B3GALT1: variants seen among roughly 807,000 people sequenced by gnomAD.
B3GALT1 encodes the protein beta-1,3-galactosyltransferase 1.
B3GALT1 carries 10 observed loss-of-function variants against 23.2 expected under a neutral mutation model. The ratio of observed to expected loss-of-function variants is 0.43; its 90% CI spans 0.27 to 0.73. B3GALT1 has a LOEUF of 0.73. Among genes scored for constraint, B3GALT1 ranks in the 30% least tolerant of loss-of-function variants. The pLI is 0.21. For missense variants in B3GALT1, 299 were observed against 405.4 expected (o/e 0.74, Z 2.25); for synonymous variants, 156 against 141.5 (o/e 1.10, Z -0.73).
intron 3 of B3GALT1, among the ~76,000 whole-genome samples, chr2:167,678,615 G>A (rs1016734072): frequency 2.0e-5 from 3 of 151,846 alleles, no homozygotes; most frequent in Non-Finnish European, 2.9e-5. Context: ...CTCAGTCCAC[G>A]GATAAACTTT....
intron 3 of B3GALT1, among the ~76,000 whole-genome samples, chr2:167,758,924 A>C (rs1410425711): frequency 6.6e-6 from 1 of 152,122 alleles, no homozygotes; most frequent in Non-Finnish European, 1.5e-5. Context: ...TATGGAAAGA[A>C]GCTTTCGTGA....
chr2:167,478,112 G>C (rs1334925332), intron 1 of B3GALT1, among the ~76,000 whole-genome samples: 1 of 152,166 alleles, frequency 6.6e-6, no homozygotes, highest in Admixed American at 6.5e-5. Context: ...CCATTATAAA[G>C]AATTTCTTTA....
intron 2 of B3GALT1, among the ~76,000 whole-genome samples, chr2:167,501,614 A>G (rs1699849308): frequency 6.6e-6 from 1 of 151,202 alleles, no homozygotes; most frequent in Non-Finnish European, 1.5e-5. Flanking sequence ...TTAGACTTCT[A>G]GTTGTAATGT....
intron 3 of B3GALT1, among the ~76,000 whole-genome samples, chr2:167,809,653 T>G (rs1688835274): frequency 6.6e-6 from 1 of 152,158 alleles, no homozygotes; most frequent in Non-Finnish European, 1.5e-5. Flanking sequence ...AAGTTTTGTC[T>G]CAGAGGAGTA....
At position 167,521,987 on chromosome 2, in the gene B3GALT1, T is replaced by TATATATATATATATATATATACACAC. The variant is rs1323364702; in HGVS notation, c.-410+31729_-410+31730insTACACACATATATATATATATATATA. On this transcript the variant is annotated intron_variant, in intron 2 of 4. Coordinates refer to ENST00000392690, the MANE Select transcript of B3GALT1 (RefSeq NM_020981.4). ...ACATATATGTGTGTGTGTGTGTGTA[T>TATATATATATATATATATATACACAC]ATATATATATATATATATACACATA... is the stretch of plus-strand genomic sequence containing the variant. Among the ~76,000 whole-genome samples the TATATATATATATATATATATACACAC allele has an allele frequency of 1.1e-4, 12 of 114,130 alleles. No individual in the cohort carries two copies. The East Asian group carries it at 2.2e-3, about 21-fold the overall frequency. The allele number at this position is 114,130 out of a possible 152,430, so 74.9% of individuals were successfully genotyped here.
chr2:167,552,614 A>G (rs1392266878), intron 2 of B3GALT1, among the ~76,000 whole-genome samples: 1 of 152,024 alleles, frequency 6.6e-6, no homozygotes, highest in Non-Finnish European at 1.5e-5. Flanking sequence ...CTTTTTTCTT[A>G]CTGGGACCAA....
chr2:167,534,105 T>C (rs1407777559), intron 2 of B3GALT1, among the ~76,000 whole-genome samples: 1 of 152,190 alleles, frequency 6.6e-6, no homozygotes, highest in Non-Finnish European at 1.5e-5. Flanking sequence ...AAAATATATA[T>C]GGTGTATTTC....
chr2:167,376,300 G>T (rs1275549391), intron 1 of B3GALT1, among the ~76,000 whole-genome samples: 1 of 151,998 alleles, frequency 6.6e-6, no homozygotes, highest in South Asian at 2.1e-4. Context: ...CTGGCTTGTG[G>T]TTTTCTCTTT....
Position 167,467,380 on chromosome 2 carries a change from TATA to T in B3GALT1, c.-510-22787_-510-22785del, listed in dbSNP as rs945444091. ...AATAGATTTTTGGCAACCATGTTGT[TATA>T]ATAATAATAGAGCAAACAGTAAAAA... On this transcript the variant is annotated intron_variant, in intron 1 of 4. Transcript: ENST00000392690. Among the ~76,000 whole-genome samples the T allele has an allele frequency of 2.8e-4, 43 of 152,296 alleles. No homozygotes were observed. The East Asian group carries it at 7.9e-3, about 28-fold the overall frequency.
At chr2:167,383,678 A>G (rs1697878715) in intron 1 of B3GALT1, among the ~76,000 whole-genome samples, 1 of 152,214 alleles carries the variant, frequency 6.6e-6, no homozygotes. Context: ...TGAATGCTCA[A>G]TAATTTTTTA....
At chr2:167,514,814 G>A (rs893635426) in intron 2 of B3GALT1, among the ~76,000 whole-genome samples, 1 of 152,206 alleles carries the variant, frequency 6.6e-6, no homozygotes, top group East Asian at 1.9e-4. Context: ...ATAATAATTA[G>A]GTTGTTATGA....
chr2:167,632,795 G>A (rs1685473969), intron 2 of B3GALT1, among the ~76,000 whole-genome samples: 1 of 151,974 alleles, frequency 6.6e-6, no homozygotes. Flanking sequence ...AAGCTCTCTA[G>A]TTTAATTAGA....
At chr2:167,486,377 G>GA (rs1699627687) in intron 1 of B3GALT1, among the ~76,000 whole-genome samples, 2 of 144,146 alleles carry the variant, frequency 1.4e-5, no homozygotes, top group Non-Finnish European at 3.0e-5. Flanking sequence ...AAAAAGAAAA[G>GA]AAAAGAAAAG....
intron 3 of B3GALT1, among the ~76,000 whole-genome samples, chr2:167,731,040 G>C (rs977009029): frequency 2.0e-5 from 3 of 152,112 alleles, no homozygotes; most frequent in African/African-American, 2.4e-5. Context: ...CTAGTAAGTG[G>C]TGCAGTAGGG....
chr2:167,746,696 A>G (rs1393000492), intron 3 of B3GALT1, among the ~76,000 whole-genome samples: 1 of 152,228 alleles, frequency 6.6e-6, no homozygotes, highest in East Asian at 1.9e-4. Flanking sequence ...TGTAAAAATT[A>G]GTATTCCATG....
At chr2:167,430,296 A>G (rs138392159) in intron 1 of B3GALT1, among the ~76,000 whole-genome samples, 1 of 152,324 alleles carries the variant, frequency 6.6e-6, no homozygotes, top group East Asian at 1.9e-4. Context: ...GAGGAGAGTG[A>G]TAGATGAAGT....
chr2:167,306,808 A>G (rs1337216893), intron 1 of B3GALT1, among the ~76,000 whole-genome samples: 1 of 151,986 alleles, frequency 6.6e-6, no homozygotes, highest in Non-Finnish European at 1.5e-5. Flanking sequence ...CTGACTTCTC[A>G]AATTAATCTA....
rs560552167 is a variant in B3GALT1 at position 167,597,123 on chromosome 2, T to G, written c.-409-49786T>G. On this transcript the variant is annotated intron_variant, in intron 2 of 4. Transcript: ENST00000392690. ...GTTTTTGTTTTTTGTTTTTGTTTTT[T>G]TTTTTTTTTTTAGATAGAGCCTCTC... 2.0e-3 allele frequency among the ~76,000 whole-genome samples: 290 copies of G among 148,000 alleles called. 6 individuals carry two copies. Among genetic ancestry groups the G allele is most frequent in the Admixed American group, 8.4e-3 (126 of 15,088 alleles).
At chr2:167,555,871 T>C (rs984748538) in intron 2 of B3GALT1, among the ~76,000 whole-genome samples, 6 of 152,146 alleles carry the variant, frequency 3.9e-5, no homozygotes, top group African/African-American at 1.2e-4. Context: ...ATCATCTGAG[T>C]CTGAATGGAT....
Sources: allele counts gnomAD v4.1 joint callset (sites outside exome capture counted in the v4.1 genomes callset), GRCh38; gene constraint gnomAD v4.1.1; transcripts MANE v1.5; gene names NCBI Gene and HGNC (gene_info 2026-07-23, HGNC 2026-07-21).